TMPRSS15: variants seen among roughly 807,000 people sequenced by gnomAD.
TMPRSS15 encodes enteropeptidase.
In TMPRSS15, 128 loss-of-function variants were observed where a neutral mutation model predicts 125.3. The observed-to-expected ratio is 1.02, with a 90% CI of 0.89 to 1.18. TMPRSS15 has a LOEUF of 1.18. Among genes scored for constraint, TMPRSS15 ranks in the 50% most tolerant of loss-of-function variants. The pLI, the probability that TMPRSS15 is intolerant of heterozygous loss-of-function variation, is 0.00. For missense variants in TMPRSS15, 1,283 were observed against 1,212.7 expected, an observed-to-expected ratio of 1.06 and a Z score of -0.86; for synonymous variants, 446 against 423.2, an observed-to-expected ratio of 1.05 and a Z score of -0.66.
At chr21:18,403,926 G>A (rs1303163037), upstream of TMPRSS15, among the ~76,000 whole-genome samples, 1 of 152,126 alleles carries the variant, frequency 6.6e-6, no homozygotes, top group African/African-American at 2.4e-5. Context: ...TTAAATTCAT[G>A]TTGTAAACAA....
At chr21:18,332,382 C>CT (rs1019113774) in intron 13 of TMPRSS15, among the ~76,000 whole-genome samples, 6 of 151,972 alleles carry the variant, frequency 3.9e-5, no homozygotes, top group African/African-American at 1.5e-4. Flanking sequence ...TGATGTTGAG[C>CT]TTTTTTTCAT....
chr21:18,393,018 C>T (rs895127277), intron 3 of TMPRSS15, among the ~76,000 whole-genome samples: 1 of 152,040 alleles, frequency 6.6e-6, no homozygotes, highest in African/African-American at 2.4e-5. Flanking sequence ...GCCATATCAC[C>T]CAGTAACGAA....
upstream of TMPRSS15, among the ~76,000 whole-genome samples, chr21:18,404,051 C>G (rs994717931): frequency 6.6e-6 from 1 of 152,160 alleles, no homozygotes. Flanking sequence ...ACAGATCAAC[C>G]TTCTACCCTC....
intron 16 of TMPRSS15, among the ~76,000 whole-genome samples, chr21:18,316,910 A>G (rs1296898639): frequency 6.6e-6 from 1 of 152,128 alleles, no homozygotes; most frequent in Non-Finnish European, 1.5e-5. Flanking sequence ...GGCCACTTGG[A>G]ATTTGGTTCC....
chr21:18,287,971 T>A (rs2074785741), intron 21 of TMPRSS15, among the ~76,000 whole-genome samples: 1 of 152,126 alleles, frequency 6.6e-6, no homozygotes, highest in Non-Finnish European at 1.5e-5. Context: ...GATCTAGTAC[T>A]CCCACTGCTA....
upstream of TMPRSS15, among the ~76,000 whole-genome samples, chr21:18,406,370 C>G (rs921335347): frequency 6.6e-6 from 1 of 152,132 alleles, no homozygotes; most frequent in Admixed American, 6.6e-5. Context: ...TCCAGGGAAG[C>G]TGACTTCAGT....
chr21:18,307,701 A>G (rs1283259558), intron 18 of TMPRSS15, among the ~76,000 whole-genome samples: 1 of 152,196 alleles, frequency 6.6e-6, no homozygotes, highest in Non-Finnish European at 1.5e-5. Flanking sequence ...AAAATGTAAT[A>G]AAGATGTATG....
intron 7 of TMPRSS15, among the ~76,000 whole-genome samples, chr21:18,364,321 G>A (rs1347553601): frequency 6.6e-6 from 1 of 152,052 alleles, no homozygotes; most frequent in Admixed American, 6.6e-5. Flanking sequence ...ATTCTATGGA[G>A]CACTTATTCT....
chr21:18,365,246 T>C lies in TMPRSS15; in HGVS notation c.667A>G (p.Thr223Ala). 6.2e-7 allele frequency: 1 copy of C among 1,613,592 alleles called. No individual in the cohort carries two copies. Among genetic ancestry groups the C allele is most frequent in the Non-Finnish European group, 8.5e-7 (1 of 1,179,540 alleles). Residue 223 changes from threonine to alanine, a missense_variant and splice_region_variant, in exon 7 of 25, where the codon ACA (threonine) becomes GCA (alanine). Transcript: ENST00000284885. ...AACAAAAATCTTCCATCACAAACTGTGGCTGCAAAACGATGCCAATTAATG... is the reference window on the plus strand; with the variant it reads ...AACAAAAATCTTCCATCACAAACTGCGGCTGCAAAACGATGCCAATTAATG... ...GSDEDNKMCA[T>A]VCDGRFLLTG...
Position 18,343,532 on chromosome 21 carries a change from T to C in TMPRSS15, c.1402A>G (p.Thr468Ala). The change falls in exon 12 of 25, where the codon ACC becomes GCC. Residue 468 changes from threonine to alanine, a missense_variant. Transcript: ENST00000284885. Reference sequence around the variant, plus strand: ...TTAAATTTAACTGTTTCATTTAGGGTTACTTGTCCATAATTCCAATTGTCT... The same window carrying C: ...TTAAATTTAACTGTTTCATTTAGGGCTACTTGTCCATAATTCCAATTGTCT... ...YGDNWNYGQV[T>A]LNETVKFKVA... is the part of the protein sequence containing the mutation. 6.2e-7 allele frequency: 1 copy of C among 1,612,296 alleles called. No homozygotes were observed. The highest frequency in any genetic ancestry group is 8.5e-7 in the Non-Finnish European group (1 of 1,178,564).
At chr21:18,296,465 G>C (rs936415009) in intron 19 of TMPRSS15, among the ~76,000 whole-genome samples, 1 of 152,158 alleles carries the variant, frequency 6.6e-6, no homozygotes, top group African/African-American at 2.4e-5. Context: ...GTGATGAAAG[G>C]TTAAAATATG....
At position 18,365,124 on chromosome 21, in the gene TMPRSS15, T is replaced by A. The variant is rs370774034; in HGVS notation, c.773+16A>T. ...CTTTATGACTTAAGAACAGAAAATATAAGATCTTGTATTACCGTATGATCC... is the reference window on the plus strand; with the variant it reads ...CTTTATGACTTAAGAACAGAAAATAAAAGATCTTGTATTACCGTATGATCC... On this transcript the variant is annotated intron_variant, in intron 7 of 24. Transcript: ENST00000284885. 5 of 1,597,320 alleles carry A rather than the reference T, an allele frequency of 3.1e-6. No homozygotes were observed. The highest frequency in any genetic ancestry group is 4.3e-6 in the Non-Finnish European group (5 of 1,164,914).
At chr21:18,277,037 T>C (rs546025521) in intron 23 of TMPRSS15, among the ~76,000 whole-genome samples, 216 of 152,078 alleles carry the variant, frequency 1.4e-3, no homozygotes, top group African/African-American at 4.9e-3. Flanking sequence ...AAGTGTTGGG[T>C]TTACAGGCAT....
At chr21:18,466,276 G>T (rs1978658500) in intron 1 of TMPRSS15, among the ~76,000 whole-genome samples, 1 of 152,124 alleles carries the variant, frequency 6.6e-6, no homozygotes, top group East Asian at 1.9e-4. Context: ...ATGGATTAAA[G>T]ACTTAAATGT....
At chr21:18,447,091 T>A (rs1271219122) in intron 1 of TMPRSS15, among the ~76,000 whole-genome samples, 1 of 151,848 alleles carries the variant, frequency 6.6e-6, no homozygotes, top group East Asian at 1.9e-4. Context: ...AATAGCAAAA[T>A]AACAAATAAT....
At chr21:18,312,453 T>C (rs1402427114) in intron 18 of TMPRSS15, among the ~76,000 whole-genome samples, 1 of 151,074 alleles carries the variant, frequency 6.6e-6, no homozygotes, top group Non-Finnish European at 1.5e-5. Flanking sequence ...GGAGAGGTTA[T>C]GCAAAATTTT....
rs1601380236 is a variant in TMPRSS15, at chr21:18,353,855, A to T, written c.889T>A (p.Trp297Arg). The change falls in exon 9 of 25, where the codon TGG (tryptophan) becomes AGG (arginine). Residue 297 changes from tryptophan to arginine, a missense_variant. Trp to Arg is a moderately radical substitution (Grantham distance 101). Coordinates refer to ENST00000284885, the MANE Select transcript of TMPRSS15 (RefSeq NM_002772.3). The part of the protein sequence containing the change: ...GSSKILRASI[W>R]ETNPGTIRIF... Reference sequence around the variant, plus strand: ...CTTATTGTGCCAGGATTAGTTTCCCAAATAGAAGCTACAAAATAAAATAAA... The same window carrying T: ...CTTATTGTGCCAGGATTAGTTTCCCTAATAGAAGCTACAAAATAAAATAAA... 9.9e-6 allele frequency: 16 copies of T among 1,610,894 alleles called. No individual in the cohort carries two copies. Among genetic ancestry groups the T allele is most frequent in the Non-Finnish European group, 1.4e-5 (16 of 1,177,736 alleles).
intron 24 of TMPRSS15, among the ~76,000 whole-genome samples, chr21:18,271,846 G>GTGTT (rs978217726): frequency 2.0e-5 from 3 of 152,212 alleles, no homozygotes; most frequent in Admixed American, 1.3e-4. Context: ...TTCTGTTCCT[G>GTGTT]TGTTAGTCTG....
rs201009477 is a variant in TMPRSS15, at chr21:18,341,410, T to G, written c.1564+3A>C. The G allele has an allele frequency of 4.3e-6, 7 of 1,613,976 alleles. No homozygotes were observed. Among genetic ancestry groups the G allele is most frequent in the Non-Finnish European group, 5.9e-6 (7 of 1,179,994 alleles). ...AGACAAAATACACATGAAGGTTACTTACTAGGAAGTTCTGGTGGAGGAGTT... is the reference window on the plus strand; with the variant it reads ...AGACAAAATACACATGAAGGTTACTGACTAGGAAGTTCTGGTGGAGGAGTT... On this transcript the variant is annotated splice_donor_region_variant and intron_variant, in intron 13 of 24. Coordinates refer to ENST00000284885, the MANE Select transcript of TMPRSS15 (RefSeq NM_002772.3).
Sources: allele counts gnomAD v4.1 joint callset (sites outside exome capture counted in the v4.1 genomes callset), GRCh38; gene constraint gnomAD v4.1.1; transcripts MANE v1.5; gene names NCBI Gene and HGNC (gene_info 2026-07-23, HGNC 2026-07-21).